Variants in TENT4A observed in about 807,000 individuals in gnomAD.
The protein encoded by TENT4A is terminal nucleotidyltransferase 4A.
TENT4A carries 7 observed loss-of-function variants against 72.8 expected under a neutral mutation model. That is an observed-to-expected ratio of 0.10 (90% CI 0.05 to 0.18). TENT4A has a LOEUF of 0.18. Among genes scored for constraint, TENT4A ranks in the 10% least tolerant of loss-of-function variants. The pLI is 1.00. For missense variants in TENT4A, 831 were observed against 1,017.7 expected, an observed-to-expected ratio of 0.82 and a Z score of 2.50; for synonymous variants, 456 against 434.3, an observed-to-expected ratio of 1.05 and a Z score of -0.62.
At chr5:6,718,229 C>T (rs905564404) in intron 1 of TENT4A, among the ~76,000 whole-genome samples, 11 of 152,236 alleles carry the variant, frequency 7.2e-5, no homozygotes, top group African/African-American at 2.4e-4. Context: ...CCCCGCAAGG[C>T]GTCTGGTGAG....
At chr5:6,737,717 T>G (rs535671695) in intron 2 of TENT4A, 84 bp downstream of exon 2, 1 of 1,451,002 alleles carries the variant, frequency 6.9e-7, no homozygotes, top group African/African-American at 1.4e-5. Flanking sequence ...GTCGGCTAGA[T>G]CCACACAGAC....
At chr5:6,720,988 C>G (rs540101727) in intron 1 of TENT4A, among the ~76,000 whole-genome samples, 1 of 152,196 alleles carries the variant, frequency 6.6e-6, no homozygotes, top group Non-Finnish European at 1.5e-5. Flanking sequence ...CTTCAGAGCA[C>G]TGTGCCTCCT....
intron 4 of TENT4A, among the ~76,000 whole-genome samples, chr5:6,740,489 T>G (rs1448370572): frequency 6.6e-6 from 1 of 152,224 alleles, no homozygotes; most frequent in Non-Finnish European, 1.5e-5. Flanking sequence ...TAAATTTGTG[T>G]GTCAACTTGT....
In TENT4A at chr5:6,755,465, A is replaced by G. The variant is rs1162695718; in HGVS notation, c.*520A>G. On this transcript the variant is annotated 3_prime_UTR_variant, in exon 13 of 13. Transcript: ENST00000230859. ...TTGTGCAATAACTCAGATATTTTTTATTTAATTTCCTATTTTCACATAAGT... is the reference window on the plus strand; with the variant it reads ...TTGTGCAATAACTCAGATATTTTTTGTTTAATTTCCTATTTTCACATAAGT... The G allele has an allele frequency of 6.6e-6, 1 of 152,668 alleles. No homozygotes were observed. The highest frequency in any genetic ancestry group is 2.4e-5 in the African/African-American group (1 of 41,440). 9.5% of individuals were successfully genotyped at this position (152,668 alleles called of 1,614,324 possible).
At chr5:6,726,251 A>G (rs1643926106) in intron 1 of TENT4A, among the ~76,000 whole-genome samples, 1 of 152,200 alleles carries the variant, frequency 6.6e-6, no homozygotes, top group Non-Finnish European at 1.5e-5. Context: ...TTGGGACGCG[A>G]TCTGACCTCA....
chr5:6,718,810 C>T (rs1409545543), intron 1 of TENT4A, among the ~76,000 whole-genome samples: 1 of 152,170 alleles, frequency 6.6e-6, no homozygotes, highest in African/African-American at 2.4e-5. Context: ...TGGAGACCTG[C>T]TTGCACCATA....
At chr5:6,721,790 G>A (rs1740665313) in intron 1 of TENT4A, among the ~76,000 whole-genome samples, 1 of 152,164 alleles carries the variant, frequency 6.6e-6, no homozygotes, top group Admixed American at 6.5e-5. Flanking sequence ...TTTTGTTGTG[G>A]GCTTGTGATC....
chr5:6,748,253 A>C (rs1430142956), intron 7 of TENT4A, among the ~76,000 whole-genome samples: 3 of 152,186 alleles, frequency 2.0e-5, no homozygotes, highest in African/African-American at 7.2e-5. Flanking sequence ...GCACTCACAG[A>C]CTGTGCCCTG....
intron 1 of TENT4A, among the ~76,000 whole-genome samples, chr5:6,724,649 C>T (rs1335160369): frequency 1.3e-5 from 2 of 152,082 alleles, no homozygotes; most frequent in African/African-American, 4.8e-5. Context: ...CTTGCAGACT[C>T]GTTGAGTAAA....
At chr5:6,736,977 A>G (rs889474398) in intron 1 of TENT4A, among the ~76,000 whole-genome samples, 2 of 152,230 alleles carry the variant, frequency 1.3e-5, no homozygotes, top group African/African-American at 2.4e-5. Context: ...GTCACCAGGT[A>G]GCTTGGGCAG....
intron 1 of TENT4A, among the ~76,000 whole-genome samples, chr5:6,729,551 C>T (rs954175807): frequency 6.6e-6 from 1 of 152,250 alleles, no homozygotes; most frequent in South Asian, 2.1e-4. Context: ...ACAGCAGGCG[C>T]GGTTCCCTCG....
At chr5:6,715,564 A>C (rs916048989) in intron 1 of TENT4A, among the ~76,000 whole-genome samples, 1 of 152,050 alleles carries the variant, frequency 6.6e-6, no homozygotes, top group African/African-American at 2.4e-5. Context: ...TTAAATGATA[A>C]TTTTTCCTTG....
intron 8 of TENT4A, 101 bp from the exon 9 acceptor site, chr5:6,749,456 C>A (rs1742276328): frequency 2.9e-6 from 2 of 696,536 alleles, no homozygotes; most frequent in East Asian, 2.6e-5. Flanking sequence ...CTTCACCTAG[C>A]GAGATGATCT....
intron 1 of TENT4A, among the ~76,000 whole-genome samples, chr5:6,724,062 C>T (rs539140705): frequency 1.3e-5 from 2 of 152,348 alleles, no homozygotes; most frequent in South Asian, 2.1e-4. Flanking sequence ...CCTGCAGTCT[C>T]GCAATCCTGG....
rs543408885 is a variant in TENT4A, at chr5:6,748,611, G to A, written c.1586+21G>A. ...GAAAGGTAATGGGTTGTGTGTCTGC[G>A]TCTGGGCTCAGCGTGCCTGTGGGAT... On this transcript the variant is annotated intron_variant, in intron 8 of 12. Transcript: ENST00000230859. 3.7e-6 allele frequency: 6 copies of A among 1,600,916 alleles called. No homozygotes were observed. The East Asian group carries it at 6.7e-5, about 18-fold the overall frequency.
chr5:6,727,817 A>G (rs1250712276), intron 1 of TENT4A, among the ~76,000 whole-genome samples: 1 of 152,200 alleles, frequency 6.6e-6, no homozygotes, highest in Non-Finnish European at 1.5e-5. Flanking sequence ...AGTAGGGGCC[A>G]CATCTCATCA....
At chr5:6,735,988 C>T (rs922584202) in intron 1 of TENT4A, among the ~76,000 whole-genome samples, 1 of 152,126 alleles carries the variant, frequency 6.6e-6, no homozygotes, top group East Asian at 1.9e-4. Context: ...GTCTTGATCT[C>T]CTGAACTTGT....
chr5:6,718,747 A>G (rs1304277523), intron 1 of TENT4A, among the ~76,000 whole-genome samples: 1 of 152,182 alleles, frequency 6.6e-6, no homozygotes, highest in Non-Finnish European at 1.5e-5. Context: ...ACAAGGTGAA[A>G]TTGAAAATCG....
intron 1 of TENT4A, among the ~76,000 whole-genome samples, chr5:6,716,804 G>A (rs1204460579): frequency 1.3e-5 from 2 of 152,234 alleles, no homozygotes; most frequent in Non-Finnish European, 2.9e-5. Context: ...CCACCAGGAG[G>A]TCTGGTTTGA....
Sources: allele counts gnomAD v4.1 joint callset (sites outside exome capture counted in the v4.1 genomes callset), GRCh38; gene constraint gnomAD v4.1.1; transcripts MANE v1.5; gene names NCBI Gene and HGNC (gene_info 2026-07-23, HGNC 2026-07-21).